APOB: variants seen among roughly 807,000 people sequenced by gnomAD.
The protein encoded by APOB is apolipoprotein B.
APOB carries 153 observed loss-of-function variants against 314.1 expected under a neutral mutation model. The ratio of observed to expected loss-of-function variants is 0.49; its 90% confidence interval spans 0.43 to 0.56. APOB has a LOEUF of 0.56. Among genes scored for constraint, APOB ranks in the 20% least tolerant of loss-of-function variants. The pLI is 0.00. For synonymous variants in APOB, 2,087 were observed against 2,036.4 expected (o/e 1.02, Z -0.67); for missense variants, 5,430 against 5,350.7 (o/e 1.01, Z -0.46).
rs1418967080 is a variant in APOB at position 21,034,889 on chromosome 2, C to T, written c.831G>A (p.Gly277=). 7 of 1,567,796 alleles carry T rather than the reference C, an allele frequency of 4.5e-6. No individual in the cohort carries two copies. In the South Asian group the frequency reaches 5.6e-5, roughly 12 times the overall value. The change falls in exon 8 of 29, where the codon GGG becomes GGA. Residue 277 remains glycine, a synonymous_variant. Coordinates refer to ENST00000233242, the MANE Select transcript of APOB (RefSeq NM_000384.3). ...FLPFSYKNKY[G]MVAQVTQTLK... ...AAGTCTGTGTCACTTGTGCTACCATCCCATACTTATTCCTGGTAACCAAGG... is the reference window on the plus strand; with the variant it reads ...AAGTCTGTGTCACTTGTGCTACCATTCCATACTTATTCCTGGTAACCAAGG...
Position 21,010,523 on chromosome 2 carries a change from C to G in APOB, c.6345G>C (p.Leu2115=), listed in dbSNP as rs1663278401. 1.9e-6 allele frequency: 3 copies of G among 1,608,562 alleles called. No homozygotes were observed. Among genetic ancestry groups the G allele is most frequent in the Non-Finnish European group, 2.6e-6 (3 of 1,176,316 alleles). ...DQFVRKYRAA[L]GKLPQQANDY... ...CATTAGCTTGCTGTGGGAGTTTTCC[C>G]AGGGCTGCTCTGTATTTTCTTACAA... Residue 2115 remains leucine (L), a synonymous_variant, in exon 26 of 29, where the codon CTG becomes CTC. Transcript: ENST00000233242.
intron 13 of APOB, 91 bp downstream of exon 13, chr2:21,028,236 G>A: frequency 8.0e-7 from 1 of 1,255,104 alleles, no homozygotes; most frequent in Admixed American, 1.7e-5. Flanking sequence ...TGTTTCAGAA[G>A]CAAGGGCAGA....
At chr2:21,027,260 A>G (rs1023817995) in intron 14 of APOB, among the ~76,000 whole-genome samples, 1 of 150,226 alleles carries the variant, frequency 6.7e-6, no homozygotes, top group African/African-American at 2.5e-5. Flanking sequence ...GGCAGCACAT[A>G]TGCTTCCTTG....
At position 21,007,052 on chromosome 2, in the gene APOB, A is replaced by G. The variant is rs1342790972; in HGVS notation, c.9816T>C (p.Tyr3272=). 6.2e-7 allele frequency: 1 copy of G among 1,614,078 alleles called. No homozygotes were observed. Among genetic ancestry groups the G allele is most frequent in the Admixed American group, 1.7e-5 (1 of 59,986 alleles). ...PFTIEMSAFG[Y]VFPKAVSMPS... Reference sequence around the variant, plus strand: ...GCATGCTGACTGCTTTTGGGAACACATAGCCGAATGCCGACATCTCTATGG... The same window carrying G: ...GCATGCTGACTGCTTTTGGGAACACGTAGCCGAATGCCGACATCTCTATGG... Residue 3272 remains tyrosine (Y), a synonymous_variant, in exon 26 of 29, where the codon TAT becomes TAC. Coordinates refer to ENST00000233242, the MANE Select transcript of APOB (RefSeq NM_000384.3).
chr2:21,004,585 T>C lies in APOB; in HGVS notation c.11879A>G (p.Glu3960Gly). The C allele has an allele frequency of 6.2e-7, 1 of 1,613,980 alleles. No homozygotes were observed. The highest frequency in any genetic ancestry group is 1.1e-5 in the South Asian group (1 of 91,086). Residue 3960 changes from glutamate (E) to glycine (G), a missense_variant, in exon 27 of 29, where the codon GAA (glutamate) becomes GGA (glycine). By Grantham distance (98) the Glu-to-Gly change is moderately conservative. This residue lies in a region of APOB where 3,281 missense variants were observed against 3,171.0 expected (regional missense o/e 1.03). Coordinates refer to ENST00000233242, the MANE Select transcript of APOB (RefSeq NM_000384.3). ...AHRDFSAEYEEDGKYEGLQEW... is the reference protein window; with the variant it reads ...AHRDFSAEYEGDGKYEGLQEW... ...CTGAAGTCCTTCATATTTGCCATCT[T>C]CTTCATATTCTGCACTGAAGTCACG...
rs751059071 is a variant in APOB, at chr2:21,011,799, A to T, written c.5069T>A (p.Phe1690Tyr). Residue 1690 changes from phenylalanine to tyrosine, a missense_variant, in exon 26 of 29, where the codon TTC becomes TAC. Phe to Tyr is a conservative substitution (Grantham distance 22). Transcript: ENST00000233242. ...ACTGAATTTTGCATTGTGTTCCCTG[A>T]AGCGGCCATTTGTTGTTAATTTCAT... ...ASMKLTTNGR[F>Y]REHNAKFSLD... is the part of the protein sequence containing the mutation. 6.2e-7 allele frequency: 1 copy of T among 1,614,134 alleles called. No homozygotes were observed. The highest frequency in any genetic ancestry group is 2.2e-5 in the East Asian group (1 of 44,876).
rs775123404 is a variant in APOB, at chr2:21,035,371, A to G, written c.818+213T>C. On this transcript the variant is annotated intron_variant, in intron 7 of 28. Coordinates refer to ENST00000233242, the MANE Select transcript of APOB (RefSeq NM_000384.3). ...ACAGCCCTTAAAGAATGGGTCTTAG[A>G]TATCTTTTGTTGGTCTTGGATTGTT... Among the ~76,000 whole-genome samples the G allele has an allele frequency of 2.9e-4, 44 of 152,094 alleles. 1 individual carries two copies. Among genetic ancestry groups the G allele is most frequent in the Non-Finnish European group, 1.3e-4 (9 of 68,020 alleles).
intron 17 of APOB, 70 bp downstream of exon 17, chr2:21,023,455 T>C (rs1663662716): frequency 2.6e-6 from 4 of 1,544,220 alleles, no homozygotes; most frequent in African/African-American, 2.7e-5. Flanking sequence ...TTTTTAAATA[T>C]GTTTTAACAA....
chr2:21,019,180 A>T, intron 19 of APOB, 67 bp from the exon 20 acceptor site: 1 of 1,602,300 alleles, frequency 6.2e-7, no homozygotes, highest in Admixed American at 1.7e-5. Flanking sequence ...TATGTTCCCA[A>T]AACAATTCAG....
rs1663139185 is a variant in APOB at position 21,006,396 on chromosome 2, G to A, written c.10472C>T (p.Ser3491Phe). 6.2e-7 allele frequency: 1 copy of A among 1,613,934 alleles called. No homozygotes were observed. The highest frequency in any genetic ancestry group is 1.1e-5 in the South Asian group (1 of 91,080). Residue 3491 changes from serine to phenylalanine, a missense_variant, in exon 26 of 29, where the codon TCC becomes TTC. Transcript: ENST00000233242. ...LSLESLTSYF[S>F]IESSTKGDVK... ...ATCTCCTTTGGTAGATGACTCAATG[G>A]AAAAGTAAGAGGTGAGGCTTTCCAA...
At chr2:21,014,960 G>T (rs1161333019) in intron 23 of APOB, 113 bp downstream of exon 23, 2 of 1,142,074 alleles carry the variant, frequency 1.8e-6, no homozygotes, top group Non-Finnish European at 2.6e-6. Flanking sequence ...TTCCCTGGGG[G>T]GAAGGAAGCA....
Position 21,015,458 on chromosome 2 carries a change from GT to G in APOB, c.3419del (p.His1140ProfsTer45). ...QAEARSEILA[H>X]WSPAKLLLQM... ...GGAGAAGCAGTTTGGCAGGCGACCA[GT>G]GGGCGAGGATCTCACTTCTGGCTTC... On this transcript the variant is annotated frameshift_variant, in exon 22 of 29. Transcript: ENST00000233242. LOFTEE classifies it high-confidence loss of function. 6.2e-7 allele frequency: 1 copy of G among 1,614,122 alleles called. No homozygotes were observed. Among genetic ancestry groups the G allele is most frequent in the Non-Finnish European group, 8.5e-7 (1 of 1,180,020 alleles).
At chr2:21,024,873 C>G in intron 16 of APOB, 60 bp downstream of exon 16, 1 of 1,565,220 alleles carries the variant, frequency 6.4e-7, no homozygotes. Context: ...GGAGTCTGGG[C>G]GATCTAAAAA....
chr2:21,043,913 C>T lies in APOB; in HGVS notation c.33G>A (p.Leu11=). The change falls in exon 1 of 29, where the codon CTG becomes CTA. Residue 11 remains leucine (L), a synonymous_variant. Transcript: ENST00000233242. MDPPRPALLA[L]LALPALLLLL... Reference sequence around the variant, plus strand: ...GCAGCAGCAGCGCAGGCAGCGCCAGCAGCGCCAGCAGCGCGGGCCTCGGCG... The same window carrying T: ...GCAGCAGCAGCGCAGGCAGCGCCAGTAGCGCCAGCAGCGCGGGCCTCGGCG... 7.1e-7 allele frequency: 1 copy of T among 1,410,050 alleles called. No homozygotes were observed. The highest frequency in any genetic ancestry group is 1.5e-5 in the South Asian group (1 of 68,258). The allele number at this position is 1,410,050 out of a possible 1,614,324, so 87.3% of individuals were successfully genotyped here. A position where few individuals can be genotyped will look rare whatever the true frequency, so the allele number is the denominator to read the frequency against.
chr2:21,034,679 A>G lies in APOB; in HGVS notation c.904+137T>C. 5.4e-6 allele frequency: 4 copies of G among 738,986 alleles called. No individual in the cohort carries two copies. In the South Asian group the frequency reaches 5.6e-5, roughly 10 times the overall value. 45.8% of individuals were successfully genotyped at this position (738,986 alleles called of 1,614,324 possible). On this transcript the variant is annotated intron_variant, in intron 8 of 28. Coordinates refer to ENST00000233242, the MANE Select transcript of APOB (RefSeq NM_000384.3). ...CATCATGAAATGAGTTTGCTTTCTC[A>G]CTAGAGGTAGCCAGAACACCAGTGT...
intron 4 of APOB, among the ~76,000 whole-genome samples, chr2:21,040,612 C>T (rs1664106776): frequency 1.3e-5 from 2 of 152,194 alleles, no homozygotes; most frequent in African/African-American, 2.4e-5. Flanking sequence ...GGACCCCACA[C>T]CAAAGACCAC....
chr2:21,022,738 T>C, intron 18 of APOB, 93 bp downstream of exon 18: 1 of 1,168,660 alleles, frequency 8.6e-7, no homozygotes, highest in East Asian at 2.4e-5. Flanking sequence ...ACCTGAATGA[T>C]CTCAATCAAC....
In APOB at chr2:21,043,498, G is replaced by T; in HGVS notation, c.121+15C>A. The T allele has an allele frequency of 6.3e-7, 1 of 1,599,792 alleles. No homozygotes were observed. Among genetic ancestry groups the T allele is most frequent in the Non-Finnish European group, 8.5e-7 (1 of 1,173,114 alleles). On this transcript the variant is annotated intron_variant, in intron 2 of 28. Transcript: ENST00000233242. ...GGCTGGGCGCCCTTCCACGCCCCAT[G>T]CGCAGATGCCTTACTTGGACAGACC... is the stretch of plus-strand genomic sequence containing the variant.
At chr2:21,020,048 A>G in intron 18 of APOB, 143 bp from the exon 19 acceptor site, 3 of 770,988 alleles carry the variant, frequency 3.9e-6, no homozygotes, top group Non-Finnish European at 6.7e-6. Context: ...TTACTGAGAA[A>G]CAAATAATAT....
Sources: allele counts gnomAD v4.1 joint callset (sites outside exome capture counted in the v4.1 genomes callset), GRCh38; gene constraint gnomAD v4.1.1; regional missense constraint gnomAD v4.1.1; transcripts MANE v1.5; gene names NCBI Gene and HGNC (gene_info 2026-07-23, HGNC 2026-07-21).